Variants in SLCO2A1 observed in about 807,000 individuals in gnomAD.
SLCO2A1 encodes the protein matrin F/G 1.
SLCO2A1 carries 60 observed loss-of-function variants against 71.7 expected under a neutral mutation model. That is an observed-to-expected ratio of 0.84 (90% CI 0.68 to 1.04). SLCO2A1 has a LOEUF of 1.04. Ranked by LOEUF, SLCO2A1 falls within the 50% of genes least tolerant of loss-of-function variation. The pLI, the probability that SLCO2A1 is intolerant of heterozygous loss-of-function variation, is 0.00. For synonymous variants in SLCO2A1, 308 were observed against 326.7 expected (o/e 0.94, Z 0.62); for missense variants, 745 against 813.4 (o/e 0.92, Z 1.02).
intron 1 of SLCO2A1, among the ~76,000 whole-genome samples, chr3:133,984,266 T>C (rs1198485351): frequency 1.3e-5 from 2 of 152,060 alleles, no homozygotes; most frequent in Non-Finnish European, 2.9e-5. Context: ...TGCTACTGGG[T>C]GAAAGACTCT....
intron 1 of SLCO2A1, among the ~76,000 whole-genome samples, chr3:134,009,759 A>G (rs1230116934): frequency 6.6e-6 from 1 of 152,240 alleles, no homozygotes; most frequent in Non-Finnish European, 1.5e-5. Flanking sequence ...CAACAGATAT[A>G]AATAGGCAGT....
At chr3:133,951,123 C>G (rs749188599) in intron 6 of SLCO2A1, 85 bp downstream of exon 6, 1 of 1,567,250 alleles carries the variant, frequency 6.4e-7, no homozygotes, top group African/African-American at 1.4e-5. Context: ...TAACATGCTG[C>G]AGCTTTTTAG....
chr3:134,025,047 C>T (rs764468331), intron 1 of SLCO2A1, among the ~76,000 whole-genome samples: 1 of 151,994 alleles, frequency 6.6e-6, no homozygotes, highest in Non-Finnish European at 1.5e-5. Flanking sequence ...CTGAAGAAGA[C>T]GACAAGCCCT....
intron 10 of SLCO2A1, among the ~76,000 whole-genome samples, chr3:133,944,564 A>AGCCCTGGGTTCCCATGGCTAATTGGGG (rs1933514682): frequency 6.6e-6 from 1 of 152,220 alleles, no homozygotes; most frequent in African/African-American, 2.4e-5. Flanking sequence ...ACTGAGGCAG[A>AGCCCTGGGTTCCCATGGCTAATTGGGG]GCCCTGGGTT....
At position 133,944,365 on chromosome 3, in the gene SLCO2A1, G is replaced by A. The variant is rs563078770; in HGVS notation, c.1461+730C>T. Among the ~76,000 whole-genome samples, 5 of 152,346 alleles carry A rather than the reference G, an allele frequency of 3.3e-5. No homozygotes were observed. The East Asian group carries it at 9.6e-4, about 29-fold the overall frequency. On this transcript the variant is annotated intron_variant, in intron 10 of 13. Transcript: ENST00000310926. Reference sequence around the variant, plus strand: ...CATCACATCCTCAGCACTCACGGCTGTGCCCAGTGTTCTGTTTATTGAATA... The same window carrying A: ...CATCACATCCTCAGCACTCACGGCTATGCCCAGTGTTCTGTTTATTGAATA...
At chr3:133,972,258 G>A (rs1934342910) in intron 3 of SLCO2A1, among the ~76,000 whole-genome samples, 1 of 152,004 alleles carries the variant, frequency 6.6e-6, no homozygotes, top group African/African-American at 2.4e-5. Flanking sequence ...GTAAAAAATG[G>A]GTTTGACACC....
chr3:134,004,867 A>G (rs1034546896), intron 1 of SLCO2A1, among the ~76,000 whole-genome samples: 5 of 152,240 alleles, frequency 3.3e-5, no homozygotes, highest in Non-Finnish European at 5.9e-5. Flanking sequence ...CAAACTCCAG[A>G]ACCATTAGAC....
chr3:133,987,131 G>GCCCCCCCCCCCCCCCCCCCCCCC (rs71136502), intron 1 of SLCO2A1, among the ~76,000 whole-genome samples: 3 of 105,032 alleles, frequency 2.9e-5, no homozygotes, highest in African/African-American at 7.8e-5. Flanking sequence ...AAAATTCAAA[G>GCCCCCCCCCCCCCCCCCCCCCCC]CCCCCCCCCC....
intron 2 of SLCO2A1, 39 bp from the exon 3 acceptor site, chr3:133,973,864 C>A: frequency 6.3e-7 from 1 of 1,576,226 alleles, no homozygotes; most frequent in Admixed American, 1.8e-5. Flanking sequence ...GACAAGAGGC[C>A]CTGTCCTCAC....
intron 11 of SLCO2A1, among the ~76,000 whole-genome samples, chr3:133,940,867 A>G (rs998199155): frequency 1.1e-4 from 17 of 152,146 alleles, no homozygotes; most frequent in Non-Finnish European, 2.2e-4. Context: ...TGCAATGAGC[A>G]ACTCTGAGGC....
chr3:133,975,446 C>G (rs557991631), intron 2 of SLCO2A1, among the ~76,000 whole-genome samples: 2 of 152,292 alleles, frequency 1.3e-5, no homozygotes, highest in East Asian at 3.9e-4. Context: ...ACTGTGGTAG[C>G]CTCCTAACGG....
intron 1 of SLCO2A1, among the ~76,000 whole-genome samples, chr3:133,991,625 A>T (rs75842929): frequency 6.6e-6 from 1 of 152,214 alleles, no homozygotes; most frequent in African/African-American, 2.4e-5. Flanking sequence ...TATAAAAATC[A>T]GAACAATCTA....
chr3:133,983,316 C>T (rs1041584225), intron 1 of SLCO2A1, among the ~76,000 whole-genome samples: 1 of 152,238 alleles, frequency 6.6e-6, no homozygotes, highest in Admixed American at 6.5e-5. Flanking sequence ...TTTTGGTCCT[C>T]AGCCAGCATC....
intron 1 of SLCO2A1, among the ~76,000 whole-genome samples, chr3:134,027,453 T>G (rs1168702345): frequency 6.6e-6 from 1 of 152,218 alleles, no homozygotes; most frequent in Non-Finnish European, 1.5e-5. Flanking sequence ...GTACCCACTG[T>G]TTGCTCAATC....
At chr3:134,013,160 G>C (rs982853314) in intron 1 of SLCO2A1, among the ~76,000 whole-genome samples, 1 of 152,182 alleles carries the variant, frequency 6.6e-6, no homozygotes, top group Non-Finnish European at 1.5e-5. Flanking sequence ...ACACTCAATA[G>C]ATGTTTACAG....
At chr3:133,963,528 G>A (rs1934093576) in intron 3 of SLCO2A1, among the ~76,000 whole-genome samples, 2 of 152,240 alleles carry the variant, frequency 1.3e-5, no homozygotes, top group East Asian at 1.9e-4. Flanking sequence ...AGCAAAGAGA[G>A]AGACTTCTGC....
At chr3:134,022,745 G>A (rs1021581012) in intron 1 of SLCO2A1, among the ~76,000 whole-genome samples, 9 of 152,150 alleles carry the variant, frequency 5.9e-5, no homozygotes, top group Admixed American at 4.6e-4. Flanking sequence ...CTTATCTGGT[G>A]TAAAAATCAT....
chr3:134,012,123 G>A (rs546416948), intron 1 of SLCO2A1, among the ~76,000 whole-genome samples: 11 of 152,238 alleles, frequency 7.2e-5, no homozygotes, highest in African/African-American at 1.7e-4. Context: ...AGGAGTTGGG[G>A]GCCACACATG....
At chr3:134,027,367 G>T (rs1320511862) in intron 1 of SLCO2A1, among the ~76,000 whole-genome samples, 1 of 152,244 alleles carries the variant, frequency 6.6e-6, no homozygotes, top group Non-Finnish European at 1.5e-5. Flanking sequence ...TACAGACATT[G>T]TACAGAAAAG....
Sources: allele counts gnomAD v4.1 joint callset (sites outside exome capture counted in the v4.1 genomes callset), GRCh38; gene constraint gnomAD v4.1.1; transcripts MANE v1.5; gene names NCBI Gene and HGNC (gene_info 2026-07-23, HGNC 2026-07-21).